ERI1: variants seen among roughly 807,000 people sequenced by gnomAD.
ERI1 encodes 3'-5' exoribonuclease 1.
In ERI1, 39 loss-of-function variants were observed where a neutral mutation model predicts 39.7. The observed-to-expected ratio is 0.98, with a 90% CI of 0.76 to 1.28. The LOEUF is 1.28. ERI1 is among the 50% of genes most tolerant of loss of function. The probability of loss-of-function intolerance (pLI) is 0.00; values close to 1 mark genes in which losing one functional copy is unlikely to be tolerated. For missense variants in ERI1, 581 were observed against 416.9 expected (o/e 1.39, Z -3.43); for synonymous variants, 204 against 149.6 (o/e 1.36, Z -2.65).
intron 3 of ERI1, among the ~76,000 whole-genome samples, chr8:9,073,724 G>C (rs1245491464): frequency 6.6e-6 from 1 of 152,036 alleles, no homozygotes; most frequent in Non-Finnish European, 1.5e-5. Flanking sequence ...ATATTAGAAA[G>C]CCTCTTATTT....
In ERI1 at chr8:9,011,700, A is replaced by G. The variant is rs1816689371; in HGVS notation, c.446A>G (p.His149Arg). 1.2e-6 allele frequency: 2 copies of G among 1,612,324 alleles called. No individual in the cohort carries two copies. The highest frequency in any genetic ancestry group is 1.3e-5 in the African/African-American group (1 of 74,866). Residue 149 changes from histidine to arginine, a missense_variant, in exon 3 of 7, where the codon CAT (histidine) becomes CGT (arginine). His to Arg is a conservative substitution (Grantham distance 29). Transcript: ENST00000250263. Reference protein sequence around the residue: ...CEEGNPPEFVHEIIEFPVVLL... With the variant: ...CEEGNPPEFVREIIEFPVVLL... The stretch of plus-strand genomic sequence containing the variant: ...GAAGGAAACCCACCTGAGTTTGTAC[A>G]TGAAATAATTGAATTTCCGGTTGTT...
At chr8:9,053,822 G>A (rs1032050097) in intron 3 of ERI1, among the ~76,000 whole-genome samples, 2 of 152,222 alleles carry the variant, frequency 1.3e-5, no homozygotes, top group Admixed American at 6.5e-5. Context: ...GGAACTGATT[G>A]TAAGAATTCT....
rs1817285059 is a variant in ERI1 at position 9,016,342 on chromosome 8, T to C, written c.519T>C (p.Tyr173=). The C allele has an allele frequency of 4.4e-6, 7 of 1,606,278 alleles. No homozygotes were observed. The highest frequency in any genetic ancestry group is 5.1e-6 in the Non-Finnish European group (6 of 1,176,120). Residue 173 remains tyrosine, a synonymous_variant, in exon 4 of 7, where the codon TAT becomes TAC. Coordinates refer to ENST00000250263, the MANE Select transcript of ERI1 (RefSeq NM_153332.4). ...TGCAGGAAGACACGTTTCAGCAGTA[T>C]GTAAGACCAGAGATTAACACACAGC... The part of the protein sequence containing the change: ...TLEIEDTFQQ[Y]VRPEINTQLS...
intron 3 of ERI1, among the ~76,000 whole-genome samples, chr8:9,046,264 GCAGTGATGAGTCTGCCCTCCGAGTGA>G (rs1798172235): frequency 6.6e-6 from 1 of 152,168 alleles, no homozygotes; most frequent in African/African-American, 2.4e-5. Flanking sequence ...CTCTTGAGTG[GCAGTGATGAGTCTGCCCTCCGAGTGA>G]CAGTGACATT....
chr8:9,026,127 C>T (rs1204821795), intron 6 of ERI1, among the ~76,000 whole-genome samples: 1 of 152,178 alleles, frequency 6.6e-6, no homozygotes, highest in South Asian at 2.1e-4. Context: ...CGAACCATCA[C>T]ATGAGGTGTG....
intron 3 of ERI1, among the ~76,000 whole-genome samples, chr8:9,015,703 C>G (rs1585202088): frequency 9.2e-6 from 1 of 108,546 alleles, no homozygotes; most frequent in African/African-American, 4.0e-5. Context: ...GCCTGGGAGA[C>G]AGAGCGAGAC....
rs537688181 is a variant in ERI1, at chr8:9,076,232, C to T, written n.300-40116C>T. ...GTGTTGGGATTACAGGTGTGAGCCA[C>T]TGTGCCCAGCCAGAAAAAAGAAAAT... On this transcript the variant is annotated intron_variant and non_coding_transcript_variant, in intron 3 of 3. Transcript: ENST00000518663. 5.3e-5 allele frequency among the ~76,000 whole-genome samples: 8 copies of T among 152,274 alleles called. 1 individual carries two copies. The South Asian group carries it at 1.7e-3, about 32-fold the overall frequency.
intron 3 of ERI1, among the ~76,000 whole-genome samples, chr8:9,050,185 A>T (rs1193344788): frequency 6.7e-6 from 1 of 149,778 alleles, no homozygotes; most frequent in Non-Finnish European, 1.5e-5. Context: ...AAAAAAAAAA[A>T]GATAGCTATT....
At chr8:9,023,660 T>C (rs766079184) in intron 6 of ERI1, among the ~76,000 whole-genome samples, 12 of 151,140 alleles carry the variant, frequency 7.9e-5, no homozygotes, top group Non-Finnish European at 1.2e-4. Flanking sequence ...AAGAAACTTA[T>C]GTTTTCCTTC....
At chr8:9,036,774 A>G (rs1797857725), downstream of ERI1, among the ~76,000 whole-genome samples, 1 of 152,240 alleles carries the variant, frequency 6.6e-6, no homozygotes, top group East Asian at 1.9e-4. Flanking sequence ...GCACACCATC[A>G]CTGGTGATGG....
chr8:9,073,533 A>G (rs1187831132), intron 3 of ERI1, among the ~76,000 whole-genome samples: 4 of 152,212 alleles, frequency 2.6e-5, no homozygotes, highest in African/African-American at 9.6e-5. Context: ...TTTCCAGTTC[A>G]ATTTTTAACC....
intron 1 of ERI1, among the ~76,000 whole-genome samples, chr8:9,005,321 G>C (rs530359536): frequency 6.6e-6 from 1 of 152,010 alleles, no homozygotes; most frequent in African/African-American, 2.4e-5. Flanking sequence ...TTGACAAGCA[G>C]TTACTTTGTA....
chr8:9,043,017 C>T (rs943714056), intron 3 of ERI1, among the ~76,000 whole-genome samples: 7 of 152,188 alleles, frequency 4.6e-5, no homozygotes, highest in Admixed American at 3.3e-4. Context: ...GCAGTAGACA[C>T]TTCATTTCTG....
rs557470724 is a variant in ERI1 at position 9,063,424 on chromosome 8, T to G, written n.299+42960T>G. On this transcript the variant is annotated intron_variant and non_coding_transcript_variant, in intron 3 of 3. Coordinates refer to the ERI1 transcript ENST00000518663. ...GGGAGGGCTAGTCATGGAATGAAACTGTAAGCCAGACCGGGTGTGAGGAGG... is the reference window on the plus strand; with the variant it reads ...GGGAGGGCTAGTCATGGAATGAAACGGTAAGCCAGACCGGGTGTGAGGAGG... 6.6e-5 allele frequency among the ~76,000 whole-genome samples: 10 copies of G among 152,170 alleles called. No individual in the cohort carries two copies. The East Asian group carries it at 1.9e-3, about 29-fold the overall frequency.
chr8:9,025,474 G>C (rs1818374156), intron 6 of ERI1, among the ~76,000 whole-genome samples: 1 of 152,236 alleles, frequency 6.6e-6, no homozygotes. Flanking sequence ...TCTTCCAACT[G>C]CTCAGCAAAA....
chr8:9,071,871 G>C (rs777339744), intron 3 of ERI1, among the ~76,000 whole-genome samples: 1 of 152,206 alleles, frequency 6.6e-6, no homozygotes, highest in Non-Finnish European at 1.5e-5. Context: ...TTCAAGACCA[G>C]CTTGAGCAAC....
intron 3 of ERI1, among the ~76,000 whole-genome samples, chr8:9,082,794 G>A (rs967365098): frequency 5.9e-5 from 9 of 152,200 alleles, no homozygotes; most frequent in African/African-American, 2.2e-4. Context: ...CATAGAGAAA[G>A]TGAATGATGA....
chr8:9,012,096 C>G (rs1465708172), intron 3 of ERI1, among the ~76,000 whole-genome samples: 1 of 152,132 alleles, frequency 6.6e-6, no homozygotes, highest in African/African-American at 2.4e-5. Flanking sequence ...ATTTAGTTCT[C>G]TGATAGGGCC....
intron 3 of ERI1, among the ~76,000 whole-genome samples, chr8:9,051,383 G>A (rs945612913): frequency 3.3e-5 from 5 of 151,970 alleles, no homozygotes; most frequent in African/African-American, 4.8e-5. Context: ...AGGGCTGGGC[G>A]TGGTGGCTCA....
Sources: allele counts gnomAD v4.1 joint callset (sites outside exome capture counted in the v4.1 genomes callset), GRCh38; gene constraint gnomAD v4.1.1; transcripts MANE v1.5; gene names NCBI Gene and HGNC (gene_info 2026-07-23, HGNC 2026-07-21).